Variants in PTPRD observed in about 807,000 individuals in gnomAD.
The protein encoded by PTPRD is protein tyrosine phosphatase receptor type D, also known as receptor-type tyrosine-protein phosphatase delta.
PTPRD carries 34 observed loss-of-function variants against 214.5 expected under a neutral mutation model. That is an observed-to-expected ratio of 0.16 (90% CI 0.12 to 0.21). The LOEUF (loss-of-function observed/expected upper bound fraction) is 0.21, where lower values mean the gene tolerates loss of function less well. PTPRD is among the 10% of genes least tolerant of loss of function. The pLI is 1.00. For synonymous variants in PTPRD, 1,128 were observed against 845.7 expected (o/e 1.33, Z -5.79); for missense variants, 2,545 against 2,398.7 (o/e 1.06, Z -1.27).
chr9:8,529,268 G>C (rs1438906667), intron 14 of PTPRD, among the ~76,000 whole-genome samples: 3 of 151,984 alleles, frequency 2.0e-5, no homozygotes, highest in Non-Finnish European at 4.4e-5. Context: ...AGAGTACTTG[G>C]GGAACAAGCA....
intron 3 of PTPRD, among the ~76,000 whole-genome samples, chr9:10,323,625 A>T (rs1405289818): frequency 1.3e-5 from 2 of 151,800 alleles, no homozygotes; most frequent in East Asian, 3.9e-4. Context: ...ATGGAGAGAA[A>T]GGAGAGTCCA....
Position 8,413,069 on chromosome 9 carries a change from G to A in PTPRD, c.4087-8409C>T, listed in dbSNP as rs186763160. 1.7e-3 allele frequency among the ~76,000 whole-genome samples: 262 copies of A among 152,134 alleles called. 1 individual carries two copies. The highest frequency in any genetic ancestry group is 6.0e-3 in the African/African-American group (251 of 41,506). On this transcript the variant is annotated intron_variant, in intron 35 of 45. Transcript: ENST00000381196. The stretch of plus-strand genomic sequence containing the variant: ...TAAATCATCTTCATTTTTAAAAGTC[G>A]GATTAGTTGAGCTTAAGTGATAACA...
intron 9 of PTPRD, among the ~76,000 whole-genome samples, chr9:9,380,427 A>C (rs2061883425): frequency 6.6e-6 from 1 of 151,988 alleles, no homozygotes; most frequent in Non-Finnish European, 1.5e-5. Flanking sequence ...GGGGTACATG[A>C]GATGTTTTGA....
intron 14 of PTPRD, among the ~76,000 whole-genome samples, chr9:8,536,894 G>C (rs1230440998): frequency 6.6e-6 from 1 of 152,028 alleles, no homozygotes; most frequent in Non-Finnish European, 1.5e-5. Flanking sequence ...GATTATCATA[G>C]TGTATTTGCT....
chr9:8,527,214 C>A, intron 16 of PTPRD, 131 bp downstream of exon 16: 1 of 900,282 alleles, frequency 1.1e-6, no homozygotes, highest in Non-Finnish European at 1.7e-6. Flanking sequence ...TGTGTGGGAG[C>A]CACTACAGAG....
chr9:9,389,080 A>C (rs981737265), intron 9 of PTPRD, among the ~76,000 whole-genome samples: 8 of 152,178 alleles, frequency 5.3e-5, no homozygotes, highest in Non-Finnish European at 1.0e-4. Context: ...TCATTTATGA[A>C]ATTGATATAA....
chr9:8,748,706 G>C (rs1031802363), intron 11 of PTPRD, among the ~76,000 whole-genome samples: 3 of 152,090 alleles, frequency 2.0e-5, no homozygotes, highest in African/African-American at 7.2e-5. Context: ...GACGTCAGGA[G>C]TTCAAGACCA....
intron 33 of PTPRD, chr9:8,454,522 T>A: frequency 6.3e-7 from 1 of 1,591,326 alleles, no homozygotes; most frequent in Non-Finnish European, 8.6e-7. Context: ...AACTCTGAAG[T>A]CTACCAGTTT....
At chr9:8,925,491 C>G (rs765549600) in intron 11 of PTPRD, among the ~76,000 whole-genome samples, 5 of 151,056 alleles carry the variant, frequency 3.3e-5, no homozygotes, top group Non-Finnish European at 7.4e-5. Flanking sequence ...ATTTCAATTC[C>G]CCGAAACAGA....
intron 7 of PTPRD, among the ~76,000 whole-genome samples, chr9:9,601,234 A>C (rs1020335438): frequency 5.3e-5 from 8 of 151,144 alleles, no homozygotes; most frequent in Non-Finnish European, 1.2e-4. Context: ...TTGAGTTATA[A>C]TTACTTTTGA....
intron 14 of PTPRD, among the ~76,000 whole-genome samples, chr9:8,536,580 G>T (rs2076986581): frequency 6.6e-6 from 1 of 151,932 alleles, no homozygotes; most frequent in Admixed American, 6.6e-5. Context: ...AGTGTGAAAA[G>T]GCTGATAAAT....
intron 2 of PTPRD, among the ~76,000 whole-genome samples, chr9:10,506,598 C>T (rs1056671698): frequency 6.6e-6 from 1 of 151,948 alleles, no homozygotes; most frequent in African/African-American, 2.4e-5. Flanking sequence ...ATATACACAC[C>T]TACTATGTAT....
intron 8 of PTPRD, among the ~76,000 whole-genome samples, chr9:9,516,093 T>G (rs541975109): frequency 2.0e-5 from 3 of 152,142 alleles, no homozygotes; most frequent in African/African-American, 7.2e-5. Context: ...TAATTTTGAG[T>G]ATACTCTAAC....
chr9:10,108,563 C>CA (rs577201584), intron 3 of PTPRD, among the ~76,000 whole-genome samples: 42 of 150,734 alleles, frequency 2.8e-4, no homozygotes, highest in African/African-American at 8.3e-4. Flanking sequence ...ATGAGCTTCT[C>CA]AAAAAATCAA....
intron 3 of PTPRD, among the ~76,000 whole-genome samples, chr9:10,173,593 T>A (rs2099225963): frequency 6.6e-6 from 1 of 152,066 alleles, no homozygotes; most frequent in Non-Finnish European, 1.5e-5. Context: ...CATTTCCAAA[T>A]AACAATTGGC....
chr9:9,620,333 C>CTT (rs200069734), intron 7 of PTPRD, among the ~76,000 whole-genome samples: 2,518 of 152,184 alleles, frequency 0.017, 76 homozygotes, highest in African/African-American at 0.058. Context: ...GTTCTTTAAT[C>CTT]TATTAATTAA....
Position 9,735,079 on chromosome 9 carries a change from G to T in PTPRD, c.-325-508C>A, listed in dbSNP as rs530630628. ...GATATTATAATGACAAAGATAAAAG[G>T]CTTTTAATTTTTAAATGATACTAAA... is the stretch of plus-strand genomic sequence containing the variant. On this transcript the variant is annotated intron_variant, in intron 6 of 45. Transcript: ENST00000381196. 3.9e-5 allele frequency among the ~76,000 whole-genome samples: 6 copies of T among 152,114 alleles called. No homozygotes were observed. In the South Asian group the frequency reaches 1.2e-3, roughly 32 times the overall value.
At chr9:10,592,139 T>C (rs2075610424) in intron 2 of PTPRD, among the ~76,000 whole-genome samples, 1 of 151,968 alleles carries the variant, frequency 6.6e-6, no homozygotes, top group African/African-American at 2.4e-5. Flanking sequence ...AGCAAGAAAG[T>C]TATTTTGCCA....
rs1351203616 is a variant in PTPRD, at chr9:8,950,731, G to C, written c.-104+67966C>G. ...CTTTTTTTTTTTTTAAATAGAGCTT[G>C]AAAGAATCTAAGAGCGATTCCTGAC... On this transcript the variant is annotated intron_variant, in intron 11 of 45. Coordinates refer to ENST00000381196, the MANE Select transcript of PTPRD (RefSeq NM_002839.4). Among the ~76,000 whole-genome samples the C allele has an allele frequency of 6.0e-5, 9 of 149,042 alleles. No homozygotes were observed. In the South Asian group the frequency reaches 1.9e-3, roughly 31 times the overall value.
Sources: gnomAD v4.1 joint callset for allele counts (sites outside exome capture counted in the v4.1 genomes callset) on GRCh38, gnomAD v4.1.1 for gene constraint, MANE v1.5 for transcripts, NCBI Gene and HGNC (gene_info 2026-07-23, HGNC 2026-07-21) for gene names.